Variants in ABTB3 observed in about 807,000 individuals in gnomAD.
ABTB3 encodes the protein ankyrin repeat- and BTB/POZ domain-containing protein 3.
the ABTB3 span, among the ~76,000 whole-genome samples, chr12:107,589,865 T>G: frequency 6.6e-6 from 1 of 152,198 alleles, no homozygotes; most frequent in African/African-American, 2.4e-5. Flanking sequence ...TGTCAGGAAG[T>G]GTGTTGGTGG....
At chr12:107,360,848 G>A in the ABTB3 span, among the ~76,000 whole-genome samples, 1 of 151,740 alleles carries the variant, frequency 6.6e-6, no homozygotes, top group Non-Finnish European at 1.5e-5. Flanking sequence ...CCACCTCCCA[G>A]GTTCAAGCAA....
At chr12:107,652,803 G>T in the ABTB3 span, among the ~76,000 whole-genome samples, 1 of 152,208 alleles carries the variant, frequency 6.6e-6, no homozygotes, top group Non-Finnish European at 1.5e-5. Context: ...CTTTGTCCAG[G>T]TACCACTGCA....
At chr12:107,541,723 T>G in the ABTB3 span, among the ~76,000 whole-genome samples, 1 of 152,124 alleles carries the variant, frequency 6.6e-6, no homozygotes, top group African/African-American at 2.4e-5. Context: ...ATCTAAAAAA[T>G]ACCTTCATAA....
chr12:107,545,512 G>C, the ABTB3 span, among the ~76,000 whole-genome samples: 2 of 152,002 alleles, frequency 1.3e-5, no homozygotes, highest in Non-Finnish European at 2.9e-5. Context: ...TCAAAGTGCT[G>C]GGATTACAGG....
the ABTB3 span, among the ~76,000 whole-genome samples, chr12:107,638,133 G>A: frequency 6.6e-6 from 1 of 152,122 alleles, no homozygotes; most frequent in Admixed American, 6.5e-5. Context: ...GATTACACAG[G>A]TGATTTTTAC....
chr12:107,548,854 T>C, the ABTB3 span, among the ~76,000 whole-genome samples: 1 of 152,204 alleles, frequency 6.6e-6, no homozygotes, highest in South Asian at 2.1e-4. Flanking sequence ...CTACATGTCT[T>C]TGGCCATGGA....
chr12:107,482,951 T>A, the ABTB3 span, among the ~76,000 whole-genome samples: 1 of 43,580 alleles, frequency 2.3e-5, no homozygotes, highest in African/African-American at 9.1e-5. Context: ...TTTCTTTCTT[T>A]CTTTCTTTCT....
chr12:107,441,974 G>A, the ABTB3 span, among the ~76,000 whole-genome samples: 2 of 151,960 alleles, frequency 1.3e-5, no homozygotes, highest in Admixed American at 6.6e-5. Flanking sequence ...AAAAAAAAGT[G>A]TCATCTGGTA....
At chr12:107,654,256 G>T in the ABTB3 span, among the ~76,000 whole-genome samples, 1 of 152,244 alleles carries the variant, frequency 6.6e-6, no homozygotes, top group South Asian at 2.1e-4. Context: ...GAACATGGGT[G>T]TACAAATATC....
the ABTB3 span, among the ~76,000 whole-genome samples, chr12:107,652,445 C>G: frequency 6.6e-6 from 1 of 152,152 alleles, no homozygotes; most frequent in Non-Finnish European, 1.5e-5. Context: ...GGGAGTAGAA[C>G]CTGGAAAAAG....
chr12:107,576,438 C>A, the ABTB3 span, among the ~76,000 whole-genome samples: 1 of 152,190 alleles, frequency 6.6e-6, no homozygotes, highest in African/African-American at 2.4e-5. Flanking sequence ...GCGTGCATGG[C>A]CACCCTCTTG....
At chr12:107,480,184 A>G in the ABTB3 span, among the ~76,000 whole-genome samples, 1 of 152,212 alleles carries the variant, frequency 6.6e-6, no homozygotes, top group Non-Finnish European at 1.5e-5. Flanking sequence ...AAACCCAGAG[A>G]ATGTTTAAGC....
chr12:107,378,140 G>C, the ABTB3 span, among the ~76,000 whole-genome samples: 1 of 152,212 alleles, frequency 6.6e-6, no homozygotes, highest in East Asian at 1.9e-4. Context: ...AGATGATTCA[G>C]CTGTGGTCCC....
At chr12:107,548,836 C>T in the ABTB3 span, among the ~76,000 whole-genome samples, 1 of 152,068 alleles carries the variant, frequency 6.6e-6, no homozygotes, top group African/African-American at 2.4e-5. Flanking sequence ...CGGAAATATC[C>T]GTGATTCCTA....
the ABTB3 span, among the ~76,000 whole-genome samples, chr12:107,440,342 C>G: frequency 5.2e-5 from 8 of 152,386 alleles, no homozygotes; most frequent in Non-Finnish European, 7.3e-5. Context: ...CTCACGCCGA[C>G]TTCCCAGGGC....
chr12:107,648,886 T>C, the ABTB3 span, among the ~76,000 whole-genome samples: 18 of 133,918 alleles, frequency 1.3e-4, no homozygotes, highest in Non-Finnish European at 2.6e-4. Context: ...CATGAGTAGA[T>C]GGAAAAGCCG....
At chr12:107,564,872 A>C in the ABTB3 span, among the ~76,000 whole-genome samples, 1 of 152,218 alleles carries the variant, frequency 6.6e-6, no homozygotes, top group Non-Finnish European at 1.5e-5. Context: ...CCCATTGCAC[A>C]GGCCTTGTTT....
the ABTB3 span, among the ~76,000 whole-genome samples, chr12:107,337,847 T>C: frequency 8.5e-5 from 13 of 152,356 alleles, no homozygotes; most frequent in South Asian, 1.4e-3. Flanking sequence ...TTTAATCAAA[T>C]TGGCAATGTA....
chr12:107,380,008 C>A, the ABTB3 span, among the ~76,000 whole-genome samples: 4 of 152,288 alleles, frequency 2.6e-5, no homozygotes, highest in East Asian at 5.8e-4. Flanking sequence ...CACCTTCCAG[C>A]GGAACAGATT....
Sources: gnomAD v4.1 joint callset for allele counts (sites outside exome capture counted in the v4.1 genomes callset) on GRCh38, gnomAD v4.1.1 for gene constraint, MANE v1.5 for transcripts, NCBI Gene and HGNC (gene_info 2026-07-23, HGNC 2026-07-21) for gene names.